The following GNAZ variants were observed in gnomAD, a reference collection of about 807,000 sequenced individuals.
GNAZ encodes guanine nucleotide-binding protein G(z) subunit alpha.
Under a neutral mutation model 25.4 loss-of-function variants are expected in GNAZ, and 3 were observed. That is an observed-to-expected ratio of 0.12 (90% CI 0.05 to 0.30). GNAZ has a LOEUF of 0.30. Ranked by LOEUF, GNAZ falls within the 10% of genes least tolerant of loss-of-function variation. The pLI is 1.00. For missense variants in GNAZ, 241 were observed against 501.8 expected (o/e 0.48, Z 4.97); for synonymous variants, 211 against 205.7 (o/e 1.03, Z -0.22).
At chr22:23,086,461 C>T (rs1174516935) in intron 1 of GNAZ, among the ~76,000 whole-genome samples, 1 of 152,212 alleles carries the variant, frequency 6.6e-6, no homozygotes, top group African/African-American at 2.4e-5. Flanking sequence ...CTGCGTGTCT[C>T]CAGCCACGGG....
chr22:23,073,038 G>C (rs915526645), intron 1 of GNAZ, among the ~76,000 whole-genome samples: 4 of 152,254 alleles, frequency 2.6e-5, no homozygotes, highest in Non-Finnish European at 4.4e-5. Flanking sequence ...TAGTCATCTT[G>C]TGTGTGAACA....
intron 2 of GNAZ, among the ~76,000 whole-genome samples, chr22:23,121,679 T>C (rs568102363): frequency 6.6e-6 from 1 of 152,128 alleles, no homozygotes; most frequent in East Asian, 1.9e-4. Flanking sequence ...ACCACTTGCA[T>C]TACCACGGTC....
At chr22:23,111,279 G>GCT (rs763869088) in intron 2 of GNAZ, among the ~76,000 whole-genome samples, 2 of 152,204 alleles carry the variant, frequency 1.3e-5, no homozygotes, top group South Asian at 4.1e-4. Flanking sequence ...AGCCAGAGAG[G>GCT]CTCTCCTGTG....
chr22:23,088,677 C>A (rs1316212387), intron 1 of GNAZ, among the ~76,000 whole-genome samples: 1 of 152,178 alleles, frequency 6.6e-6, no homozygotes, highest in Non-Finnish European at 1.5e-5. Flanking sequence ...TTCCATGACT[C>A]CTGTTGCCAC....
intron 1 of GNAZ, among the ~76,000 whole-genome samples, chr22:23,075,060 T>TA: frequency 6.6e-6 from 1 of 152,292 alleles, no homozygotes; most frequent in African/African-American, 2.4e-5. Context: ...ATTAAAACTG[T>TA]ATGGATGCCC....
chr22:23,080,547 G>A (rs2068647508), intron 1 of GNAZ, among the ~76,000 whole-genome samples: 1 of 152,234 alleles, frequency 6.6e-6, no homozygotes, highest in Non-Finnish European at 1.5e-5. Flanking sequence ...GCAAAGAAAG[G>A]AGGACCTGTT....
At chr22:23,111,823 G>C (rs2146364588) in intron 2 of GNAZ, among the ~76,000 whole-genome samples, 1 of 152,320 alleles carries the variant, frequency 6.6e-6, no homozygotes, top group Admixed American at 6.5e-5. Context: ...TGACAGCCCT[G>C]GTCCCTGACA....
chr22:23,076,267 G>A (rs75327175), intron 1 of GNAZ, among the ~76,000 whole-genome samples: 5 of 152,162 alleles, frequency 3.3e-5, no homozygotes, highest in East Asian at 3.8e-4. Flanking sequence ...TTCATTCATC[G>A]TATGTGTTTG....
intron 1 of GNAZ, among the ~76,000 whole-genome samples, chr22:23,091,833 C>T (rs1378270397): frequency 2.0e-5 from 3 of 152,218 alleles, no homozygotes; most frequent in South Asian, 2.1e-4. Flanking sequence ...CTGGTGAGCC[C>T]TGCCCCTTCC....
At chr22:23,078,012 G>C (rs2068553379) in intron 1 of GNAZ, among the ~76,000 whole-genome samples, 2 of 152,152 alleles carry the variant, frequency 1.3e-5, no homozygotes, top group Admixed American at 1.3e-4. Flanking sequence ...GGCCTTAGCT[G>C]CCCCAGCTGC....
chr22:23,123,049 T>C (rs375988647), intron 2 of GNAZ, 38 bp from the exon 3 acceptor site: 4 of 1,379,766 alleles, frequency 2.9e-6, no homozygotes, highest in African/African-American at 1.4e-5. Flanking sequence ...CTCTGCCTGC[T>C]GCGGGCCTGA....
intron 2 of GNAZ, among the ~76,000 whole-genome samples, chr22:23,114,175 G>A (rs374252137): frequency 7.2e-5 from 11 of 152,324 alleles, no homozygotes; most frequent in African/African-American, 2.4e-4. Flanking sequence ...CTGGGTGGCC[G>A]CAGGGCTGGC....
At chr22:23,089,240 C>T (rs983628867) in intron 1 of GNAZ, among the ~76,000 whole-genome samples, 2 of 152,206 alleles carry the variant, frequency 1.3e-5, no homozygotes, top group African/African-American at 2.4e-5. Context: ...GTGAGACCTT[C>T]GGTGACCTTG....
intron 2 of GNAZ, among the ~76,000 whole-genome samples, chr22:23,103,651 G>A (rs933967831): frequency 9.8e-5 from 15 of 152,338 alleles, no homozygotes; most frequent in African/African-American, 2.6e-4. Flanking sequence ...TGGCTAACAC[G>A]AGACCACAAG....
At chr22:23,086,092 C>A (rs925067164) in intron 1 of GNAZ, among the ~76,000 whole-genome samples, 1 of 152,256 alleles carries the variant, frequency 6.6e-6, no homozygotes, top group African/African-American at 2.4e-5. Flanking sequence ...GCGGGTGACC[C>A]TGGCTTTCCA....
At chr22:23,110,244 C>G (rs11913553) in intron 2 of GNAZ, among the ~76,000 whole-genome samples, 6,670 of 152,106 alleles carry the variant, frequency 0.044, 482 homozygotes, top group African/African-American at 0.15. Flanking sequence ...CTTTCCACAT[C>G]TAGAATGGAA....
At chr22:23,115,307 C>T (rs1372422893) in intron 2 of GNAZ, among the ~76,000 whole-genome samples, 4 of 152,186 alleles carry the variant, frequency 2.6e-5, no homozygotes, top group African/African-American at 9.7e-5. Context: ...TACGTTCAGC[C>T]TGAGTAGGTG....
At chr22:23,114,153 C>T (rs1387496667) in intron 2 of GNAZ, among the ~76,000 whole-genome samples, 1 of 152,240 alleles carries the variant, frequency 6.6e-6, no homozygotes, top group Non-Finnish European at 1.5e-5. Flanking sequence ...GGCCTGGTGG[C>T]TCAGCTGCAG....
chr22:23,083,978 G>T (rs1211044035), intron 1 of GNAZ, among the ~76,000 whole-genome samples: 1 of 152,160 alleles, frequency 6.6e-6, no homozygotes, highest in East Asian at 1.9e-4. Context: ...CACTGTGAGT[G>T]TGGTGGGTGG....
Sources: gnomAD v4.1 joint callset for allele counts (sites outside exome capture counted in the v4.1 genomes callset) on GRCh38, gnomAD v4.1.1 for gene constraint, MANE v1.5 for transcripts, NCBI Gene and HGNC (gene_info 2026-07-23, HGNC 2026-07-21) for gene names.